LIN28B: variants seen among roughly 807,000 people sequenced by gnomAD.
LIN28B encodes the protein lin-28 RNA binding posttranscriptional regulator B.
Under a neutral mutation model 21.9 loss-of-function variants are expected in LIN28B, and 5 were observed. The observed-to-expected ratio is 0.23, with a 90% CI of 0.12 to 0.48. LIN28B has a LOEUF of 0.48. Ranked by LOEUF, LIN28B falls within the 20% of genes least tolerant of loss-of-function variation. The probability of loss-of-function intolerance (pLI) is 0.98; values close to 1 mark genes in which losing one functional copy is unlikely to be tolerated. For missense variants in LIN28B, 245 were observed against 310.5 expected (o/e 0.79, Z 1.58); for synonymous variants, 109 against 111.3 (o/e 0.98, Z 0.13).
intron 3 of LIN28B, among the ~76,000 whole-genome samples, chr6:105,029,121 G>T (rs971391181): frequency 6.6e-6 from 1 of 152,198 alleles, no homozygotes; most frequent in East Asian, 1.9e-4. Flanking sequence ...GTGGACTGGT[G>T]GGGGTGAAAG....
intron 2 of LIN28B, among the ~76,000 whole-genome samples, chr6:105,021,602 G>A (rs536251646): frequency 1.3e-5 from 2 of 152,224 alleles, no homozygotes; most frequent in African/African-American, 2.4e-5. Flanking sequence ...GTGATGTAAC[G>A]TTGAACATTT....
chr6:105,066,330 G>A (rs1772219189), intron 3 of LIN28B, among the ~76,000 whole-genome samples: 1 of 152,134 alleles, frequency 6.6e-6, no homozygotes, highest in South Asian at 2.1e-4. Context: ...TGCATCAAAG[G>A]TAACCCAGTC....
intron 2 of LIN28B, among the ~76,000 whole-genome samples, chr6:104,965,743 T>C (rs569684859): frequency 6.6e-6 from 1 of 152,204 alleles, no homozygotes; most frequent in Admixed American, 6.5e-5. Flanking sequence ...ATTTTTGTTA[T>C]GCAGATATTT....
At chr6:104,956,205 G>A (rs150511711), upstream of LIN28B, among the ~76,000 whole-genome samples, 2 of 150,822 alleles carry the variant, frequency 1.3e-5, no homozygotes, top group African/African-American at 4.9e-5. Context: ...CTATCCTGGC[G>A]GCTCCTCTTC....
At chr6:105,074,895 C>G (rs1173220255) in intron 3 of LIN28B, among the ~76,000 whole-genome samples, 2 of 152,074 alleles carry the variant, frequency 1.3e-5, no homozygotes, top group Non-Finnish European at 2.9e-5. Context: ...TTAGTAGAGA[C>G]AGGGTTTTGC....
chr6:104,976,539 CAT>C (rs1770097695), intron 2 of LIN28B, among the ~76,000 whole-genome samples: 2 of 152,268 alleles, frequency 1.3e-5, no homozygotes, highest in South Asian at 4.2e-4. Flanking sequence ...AGCTTATAGT[CAT>C]GTGTATGCAT....
chr6:105,079,282 C>A lies in LIN28B; in HGVS notation c.*499C>A, dbSNP rs1772493966. The A allele has an allele frequency of 6.5e-6, 1 of 152,696 alleles. No homozygotes were observed. The allele number at this position is 152,696 out of a possible 1,614,324, so 9.5% of individuals were successfully genotyped here. On this transcript the variant is annotated 3_prime_UTR_variant, in exon 4 of 4. Coordinates refer to ENST00000345080, the MANE Select transcript of LIN28B (RefSeq NM_001004317.4). ...ACACGACTGTTACCTTTTGTGTGAACCAAAGGATACTTCAGATCTCAGAGC... is the reference window on the plus strand; with the variant it reads ...ACACGACTGTTACCTTTTGTGTGAAACAAAGGATACTTCAGATCTCAGAGC...
chr6:104,991,454 G>A, intron 2 of LIN28B, among the ~76,000 whole-genome samples: 1 of 151,670 alleles, frequency 6.6e-6, no homozygotes, highest in East Asian at 2.0e-4. Context: ...CTCAGACGAT[G>A]GGCGGCTGGG....
intron 2 of LIN28B, among the ~76,000 whole-genome samples, chr6:104,976,258 A>T (rs1770091781): frequency 1.3e-5 from 2 of 152,218 alleles, no homozygotes. Context: ...TAAAATTAGT[A>T]TGATAAAGAC....
intron 2 of LIN28B, among the ~76,000 whole-genome samples, chr6:105,006,166 C>CT (rs1371429029): frequency 6.6e-6 from 1 of 152,124 alleles, no homozygotes; most frequent in East Asian, 1.9e-4. Flanking sequence ...TTACTAAACA[C>CT]TTTAACACTA....
At chr6:105,000,292 G>GT (rs1770696228) in intron 2 of LIN28B, among the ~76,000 whole-genome samples, 1 of 152,056 alleles carries the variant, frequency 6.6e-6, no homozygotes, top group South Asian at 2.1e-4. Context: ...AAAAATGCAA[G>GT]TTTTCTATAC....
intron 3 of LIN28B, among the ~76,000 whole-genome samples, chr6:105,034,137 A>T (rs1771477797): frequency 6.6e-6 from 1 of 151,864 alleles, no homozygotes; most frequent in South Asian, 2.1e-4. Context: ...ATAGCTTTGT[A>T]ATTTTTAACT....
At chr6:105,016,670 T>G (rs1771034179) in intron 2 of LIN28B, among the ~76,000 whole-genome samples, 3 of 152,172 alleles carry the variant, frequency 2.0e-5, no homozygotes, top group Admixed American at 1.3e-4. Context: ...TTCAAATATA[T>G]GCTGAACACC....
intron 3 of LIN28B, among the ~76,000 whole-genome samples, chr6:105,065,236 T>A (rs567207726): frequency 4.6e-5 from 7 of 152,228 alleles, no homozygotes; most frequent in African/African-American, 1.4e-4. Context: ...CATAAAAAGA[T>A]TATGACATGA....
chr6:105,047,121 G>T (rs1771785794), intron 3 of LIN28B, among the ~76,000 whole-genome samples: 2 of 152,090 alleles, frequency 1.3e-5, no homozygotes, highest in African/African-American at 4.8e-5. Flanking sequence ...GTATTGCCTA[G>T]GTTTTCTTCT....
At chr6:104,942,809 C>T (rs1778112419) in intron 2 of LIN28B, among the ~76,000 whole-genome samples, 1 of 152,116 alleles carries the variant, frequency 6.6e-6, no homozygotes, top group Non-Finnish European at 1.5e-5. Context: ...CAAGTAGGAT[C>T]AGCTAATCTT....
chr6:104,986,072 G>A (rs1346306184), intron 2 of LIN28B, among the ~76,000 whole-genome samples: 2 of 152,080 alleles, frequency 1.3e-5, no homozygotes, highest in African/African-American at 4.8e-5. Context: ...TTTTCTACTT[G>A]CTGTTCTTGT....
chr6:104,949,106 TCTC>T (rs1778190093), intron 2 of LIN28B, among the ~76,000 whole-genome samples: 1 of 152,200 alleles, frequency 6.6e-6, no homozygotes. Flanking sequence ...CTTGAATTCT[TCTC>T]TAAATATAAG....
In LIN28B at chr6:105,078,585, G is replaced by A. The variant is rs767277533; in HGVS notation, c.555G>A (p.Gln185=). 1.1e-5 allele frequency: 17 copies of A among 1,614,030 alleles called. No individual in the cohort carries two copies. The East Asian group carries it at 3.6e-4, about 34-fold the overall frequency. The change falls in exon 4 of 4, where the codon CAG becomes CAA. Residue 185 remains glutamine (Q), a synonymous_variant. Coordinates refer to ENST00000345080, the MANE Select transcript of LIN28B (RefSeq NM_001004317.4). ...SSQGRQEAES[Q]PCTSTLPREV... is the part of the protein sequence containing the mutation. ...AGGGAAGACAGGAAGCAGAATCCCAGCCATGCACTTCAACTCTCCCTCGAG... is the reference window on the plus strand; with the variant it reads ...AGGGAAGACAGGAAGCAGAATCCCAACCATGCACTTCAACTCTCCCTCGAG...
Sources: allele counts gnomAD v4.1 joint callset (sites outside exome capture counted in the v4.1 genomes callset), GRCh38; gene constraint gnomAD v4.1.1; transcripts MANE v1.5; gene names NCBI Gene and HGNC (gene_info 2026-07-23, HGNC 2026-07-21).